Variants in GGT1 observed in about 807,000 individuals in gnomAD.
GGT1 encodes the protein glutathione hydrolase 1 proenzyme.
GGT1 carries 21 observed loss-of-function variants against 56.0 expected under a neutral mutation model. That is an observed-to-expected ratio of 0.38 (90% CI 0.27 to 0.54). The LOEUF is 0.54. GGT1 is among the 20% of genes least tolerant of loss of function. The probability of loss-of-function intolerance (pLI) is 0.82; values close to 1 mark genes in which losing one functional copy is unlikely to be tolerated. For missense variants in GGT1, 466 were observed against 787.0 expected, an observed-to-expected ratio of 0.59 and a Z score of 4.88; for synonymous variants, 238 against 342.6, an observed-to-expected ratio of 0.69 and a Z score of 3.37.
intron 1 of GGT1, among the ~76,000 whole-genome samples, chr22:24,596,476 A>G (rs2045693554): frequency 6.6e-6 from 1 of 151,990 alleles, no homozygotes; most frequent in East Asian, 1.9e-4. Context: ...TTATTTTTGC[A>G]GTGGGGTCTC....
chr22:24,623,311 C>A (rs2047542474), intron 10 of GGT1, 55 bp downstream of exon 10: 1 of 1,429,346 alleles, frequency 7.0e-7, no homozygotes, highest in Non-Finnish European at 9.6e-7. Context: ...CCTCTCTCTC[C>A]CCACGCCCCA....
chr22:24,620,603 G>A lies in GGT1; in HGVS notation c.575+83G>A. 1 of 1,604,620 alleles carries A rather than the reference G, an allele frequency of 6.2e-7. No individual in the cohort carries two copies. Among genetic ancestry groups the A allele is most frequent in the Admixed American group, 1.7e-5 (1 of 59,232 alleles). On this transcript the variant is annotated intron_variant, in intron 8 of 15. Transcript: ENST00000400382. This position sits in a 1 kb window ranked among gnomAD's most constrained non-coding sequence, Gnocchi z 5.6. ...TGCAGGCCGTAGCAGCAGTGGAGCA[G>A]CCCTCTGCCTTCAGGACCCTGTGCT...
intron 7 of GGT1, among the ~76,000 whole-genome samples, chr22:24,615,688 C>T (rs576963939): frequency 6.6e-6 from 1 of 152,306 alleles, no homozygotes; most frequent in East Asian, 1.9e-4. Context: ...GGTGGAGTCT[C>T]TCTTTTCTAA....
upstream of GGT1, chr22:24,598,235 G>A (rs1170415115): frequency 2.6e-5 from 4 of 151,922 alleles, no homozygotes; most frequent in Non-Finnish European, 4.4e-5. Flanking sequence ...GTCAGGAGTT[G>A]GAGACCAGCC....
the GGT1 span, chr22:24,583,950 TG>T: frequency 2.8e-6 from 1 of 360,024 alleles, no homozygotes; most frequent in African/African-American, 2.1e-5. Context: ...GGCCTGCTTA[TG>T]TGACAGGTTT....
chr22:24,627,846 C>T lies in GGT1; in HGVS notation c.1209-6C>T, dbSNP rs371417729. 27 of 1,611,116 alleles carry T rather than the reference C, an allele frequency of 1.7e-5. No homozygotes were observed. Among genetic ancestry groups the T allele is most frequent in the Non-Finnish European group, 2.3e-5 (27 of 1,178,468 alleles). On this transcript the variant is annotated splice_polypyrimidine_tract_variant and splice_region_variant and intron_variant, in intron 12 of 15. Coordinates refer to ENST00000400382, the MANE Select transcript of GGT1 (RefSeq NM_001288833.2). ...TCGGGCACTGTCTGACCTGGCTGGG[C>T]GGTAGCTTTGGCTCCAAGGTCCGCT...
At chr22:24,623,364 A>G (rs1257346004) in intron 10 of GGT1, 108 bp downstream of exon 10, 4 of 1,306,268 alleles carry the variant, frequency 3.1e-6, no homozygotes, top group East Asian at 2.5e-5. Flanking sequence ...ACGTCTTTCC[A>G]TCACTGAGCT....
At chr22:24,622,850 G>A (rs988241151) in intron 9 of GGT1, among the ~76,000 whole-genome samples, 5 of 152,196 alleles carry the variant, frequency 3.3e-5, no homozygotes, top group Non-Finnish European at 5.9e-5. Context: ...CCCGGCTGTT[G>A]GGTGGTGAGC....
At chr22:24,611,393 G>A (rs972984854) in intron 5 of GGT1, 148 bp downstream of exon 5, 8 of 652,470 alleles carry the variant, frequency 1.2e-5, no homozygotes, top group African/African-American at 3.6e-5. Flanking sequence ...CAGTGACTCC[G>A]AGAGCAGGGT....
chr22:24,628,301 C>T lies in GGT1; in HGVS notation c.1476C>T (p.Gly492=). 1 of 1,611,910 alleles carries T rather than the reference C, an allele frequency of 6.2e-7. No individual in the cohort carries two copies. The highest frequency in any genetic ancestry group is 1.1e-5 in the South Asian group (1 of 90,988). The stretch of plus-strand genomic sequence containing the variant: ...CCATCATCTACAACCTCTGGTTCGG[C>T]TATGACGTGAAGCGGGCCGTGGAGG... ...ALAIIYNLWF[G]YDVKRAVEEP... The change falls in exon 15 of 16, where the codon GGC becomes GGT. Residue 492 remains glycine, a synonymous_variant. Transcript: ENST00000400382. The surrounding 1 kb of genome is among the most constrained non-coding windows in gnomAD (Gnocchi z 5.7).
intron 11 of GGT1, chr22:24,624,117 G>A (rs1176786094): frequency 2.0e-6 from 2 of 985,306 alleles, no homozygotes; most frequent in Non-Finnish European, 2.4e-6. Flanking sequence ...CTGACAGTGT[G>A]GGGAATTAGT....
At chr22:24,623,056 C>A in intron 9 of GGT1, 51 bp from the exon 10 acceptor site, 1 of 1,610,044 alleles carries the variant, frequency 6.2e-7, no homozygotes, top group Non-Finnish European at 8.5e-7. Context: ...ATCCTCCACG[C>A]AGTGGTGCAG....
At chr22:24,624,515 C>T (rs2047630484) in intron 11 of GGT1, 1 of 937,036 alleles carries the variant, frequency 1.1e-6, no homozygotes, top group African/African-American at 1.9e-5. Flanking sequence ...GGGGCGTCAG[C>T]TGCCCAGGTG....
chr22:24,611,713 T>C (rs1419780444), intron 5 of GGT1, among the ~76,000 whole-genome samples: 1 of 152,034 alleles, frequency 6.6e-6, no homozygotes, highest in Admixed American at 6.6e-5. Context: ...CAAGTGATTC[T>C]CATGCCTAAG....
intron 5 of GGT1, among the ~76,000 whole-genome samples, chr22:24,611,597 T>G (rs1200479422): frequency 1.4e-5 from 2 of 147,882 alleles, no homozygotes; most frequent in Non-Finnish European, 3.0e-5. Context: ...TATCTATCTA[T>G]CTACTATCTA....
At chr22:24,583,889 G>A in the GGT1 span, 14 of 421,688 alleles carry the variant, frequency 3.3e-5, no homozygotes, top group East Asian at 3.6e-4. Flanking sequence ...AGGGCGCAAG[G>A]GACTGGAGAG....
At chr22:24,614,564 T>C (rs1370257797) in intron 5 of GGT1, among the ~76,000 whole-genome samples, 2 of 139,698 alleles carry the variant, frequency 1.4e-5, no homozygotes, top group Admixed American at 1.5e-4. Context: ...TGCAGTGAGC[T>C]GAGATCGTGC....
upstream of GGT1, chr22:24,590,029 CT>C (rs1299747378): frequency 6.3e-6 from 9 of 1,431,598 alleles, no homozygotes; most frequent in Non-Finnish European, 8.3e-6. Context: ...CCAGATGCTG[CT>C]TATGCCCGTT....
chr22:24,623,796 G>C lies in GGT1; in HGVS notation c.900G>C (p.Arg300=), dbSNP rs1254965922. The change falls in exon 11 of 16, where the codon CGG becomes CGC. Residue 300 remains arginine, a synonymous_variant. Coordinates refer to ENST00000400382, the MANE Select transcript of GGT1 (RefSeq NM_001288833.2). Reference sequence around the variant, plus strand: ...ATCAACCAGGGTACAACTTCTCCCGGGAGAGCGTGGAGAGCCCCGAGCAGA... The same window carrying C: ...ATCAACCAGGGTACAACTTCTCCCGCGAGAGCGTGGAGAGCCCCGAGCAGA... The part of the protein sequence containing the change: ...LNILKGYNFS[R]ESVESPEQKG... 11 of 1,611,746 alleles carry C rather than the reference G, an allele frequency of 6.8e-6. No homozygotes were observed. Among genetic ancestry groups the C allele is most frequent in the Non-Finnish European group, 8.5e-6 (10 of 1,179,830 alleles).
Sources: gnomAD v4.1 joint callset for allele counts (sites outside exome capture counted in the v4.1 genomes callset) on GRCh38, gnomAD v4.1.1 for gene constraint, Gnocchi (gnomAD v3.1) non-coding constraint, MANE v1.5 for transcripts, NCBI Gene and HGNC (gene_info 2026-07-23, HGNC 2026-07-21) for gene names.